Variants in KRT85 observed in about 807,000 individuals in gnomAD.
KRT85 encodes keratin 85.
A neutral mutation model predicts 53.7 loss-of-function variants in KRT85; 39 were observed. The observed-to-expected ratio is 0.73, with a 90% confidence interval of 0.56 to 0.95. KRT85 has a LOEUF of 0.95. Among genes scored for constraint, KRT85 ranks in the 40% least tolerant of loss-of-function variants. The pLI, the probability that KRT85 is intolerant of heterozygous loss-of-function variation, is 0.00. For synonymous variants in KRT85, 291 were observed against 277.5 expected, an observed-to-expected ratio of 1.05 and a Z score of -0.48; for missense variants, 668 against 686.0, an observed-to-expected ratio of 0.97 and a Z score of 0.29.
At position 52,363,412 on chromosome 12, in the gene KRT85, T is replaced by C; in HGVS notation, c.787-2A>G. On this transcript the variant is annotated splice_acceptor_variant, in intron 4 of 8. Coordinates refer to ENST00000257901, the MANE Select transcript of KRT85 (RefSeq NM_002283.4). LOFTEE classifies it high-confidence loss of function. ...GTGGGCTTGGAGAACGCGGATCTCCTGTGGGGCCAACAGCCAGTGCATTTG... is the reference window on the plus strand; with the variant it reads ...GTGGGCTTGGAGAACGCGGATCTCCCGTGGGGCCAACAGCCAGTGCATTTG... 6.2e-7 allele frequency: 1 copy of C among 1,614,154 alleles called. No homozygotes were observed. The highest frequency in any genetic ancestry group is 8.5e-7 in the Non-Finnish European group (1 of 1,180,026).
intron 7 of KRT85, among the ~76,000 whole-genome samples, 165 bp downstream of exon 7, chr12:52,362,082 CACTT>C (rs1939198508): frequency 6.6e-6 from 1 of 152,172 alleles, no homozygotes; most frequent in African/African-American, 2.4e-5. Context: ...ATAAAATAAA[CACTT>C]AGCACAGGTC....
At chr12:52,366,690 TACACACC>T (rs1207762856) in intron 1 of KRT85, among the ~76,000 whole-genome samples, 1 of 151,552 alleles carries the variant, frequency 6.6e-6, no homozygotes, top group African/African-American at 2.4e-5. Context: ...CACACACATA[TACACACC>T]ACACACTAAC....
At chr12:52,363,024 C>T (rs774630090) in intron 5 of KRT85, 45 bp from the exon 6 acceptor site, 5 of 1,614,046 alleles carry the variant, frequency 3.1e-6, no homozygotes, top group Admixed American at 1.7e-5. Flanking sequence ...TGGGGCCCCC[C>T]ATCCATTCAG....
rs1209188925 is a variant in KRT85, at chr12:52,367,249, T to A, written c.157A>T (p.Ser53Cys). The A allele has an allele frequency of 1.2e-6, 2 of 1,612,106 alleles. No individual in the cohort carries two copies. The highest frequency in any genetic ancestry group is 1.7e-6 in the Non-Finnish European group (2 of 1,178,760). The change falls in exon 1 of 9, where the codon AGC (serine) becomes TGC (cysteine). Residue 53 changes from serine to cysteine, a missense_variant. By Grantham distance (112) the Ser-to-Cys change is moderately radical. This residue lies in a region of KRT85 where 158 missense variants were observed against 141.8 expected (regional missense o/e 1.11). Transcript: ENST00000257901. ...SCYRGLTGFG[S>C]RSLCNLGSCG... ...GAGCCCAGGTTGCAGAGGCTGCGGC[T>A]GCCGAAGCCCGTCAGCCCTCGGTAG...
chr12:52,361,622 T>C, intron 7 of KRT85, 124 bp from the exon 8 acceptor site: 1 of 841,402 alleles, frequency 1.2e-6, no homozygotes, highest in African/African-American at 1.7e-5. Flanking sequence ...CAAGAAGGGC[T>C]CCCTCAAATC....
chr12:52,360,878 C>G lies in KRT85; in HGVS notation c.1499G>C (p.Ser500Thr). ...QPRSSSFSCG[S>T]SRSVRFA ...CTAGGCAAAGCGGACCGACCGGCTA[C>G]TCCCGCAGCTGAAGCTGGAGGAACG... Residue 500 changes from serine to threonine, a missense_variant, in exon 9 of 9, where the codon AGT becomes ACT. Ser to Thr is a moderately conservative substitution (Grantham distance 58). Around this residue, in one of 3 missense-constraint regions of KRT85, gnomAD observed 488 missense variants for 498.1 expected, o/e 0.98. Coordinates refer to ENST00000257901, the MANE Select transcript of KRT85 (RefSeq NM_002283.4). 6.2e-7 allele frequency: 1 copy of G among 1,611,314 alleles called. No individual in the cohort carries two copies. Among genetic ancestry groups the G allele is most frequent in the Non-Finnish European group, 8.5e-7 (1 of 1,179,880 alleles).
chr12:52,364,244 G>A (rs899227732), intron 3 of KRT85, 62 bp downstream of exon 3: 1 of 1,610,608 alleles, frequency 6.2e-7, no homozygotes, highest in Non-Finnish European at 8.5e-7. Context: ...TGGTGACCCT[G>A]CCCCTCGCTG....
chr12:52,362,104 G>T, intron 7 of KRT85, 147 bp downstream of exon 7: 1 of 1,043,638 alleles, frequency 9.6e-7, no homozygotes, highest in African/African-American at 1.6e-5. Context: ...GTCTAGCACA[G>T]AAGCATTCAG....
chr12:52,367,210 T>C lies in KRT85; in HGVS notation c.196A>G (p.Ile66Val). The change falls in exon 1 of 9, where the codon ATA becomes GTA. Residue 66 changes from isoleucine (I) to valine (V), a missense_variant. Ile to Val is a conservative substitution (Grantham distance 29, BLOSUM62 3). Coordinates refer to ENST00000257901, the MANE Select transcript of KRT85 (RefSeq NM_002283.4). ...CCGGCTCGGAAGCCACCTACAGCTATCCGGGGCCCGCAGGAGCCCAGGTTG... is the reference window on the plus strand; with the variant it reads ...CCGGCTCGGAAGCCACCTACAGCTACCCGGGGCCCGCAGGAGCCCAGGTTG... ...LCNLGSCGPR[I>V]AVGGFRAGSC... 6.2e-7 allele frequency: 1 copy of C among 1,613,628 alleles called. No individual in the cohort carries two copies. Among genetic ancestry groups the C allele is most frequent in the Non-Finnish European group, 8.5e-7 (1 of 1,179,766 alleles).
chr12:52,361,032 G>C lies in KRT85; in HGVS notation c.1345C>G (p.Arg449Gly). 3 of 1,612,532 alleles carry C rather than the reference G, an allele frequency of 1.9e-6. No homozygotes were observed. The highest frequency in any genetic ancestry group is 2.5e-6 in the Non-Finnish European group (3 of 1,179,280). ...AGGCCCCCACAGGAGACTCCACCACGGGAGCTGCTGACACCTGTGGAGAGA... is the reference window on the plus strand; with the variant it reads ...AGGCCCCCACAGGAGACTCCACCACCGGAGCTGCTGACACCTGTGGAGAGA... ...GSVNVCVSSS[R>G]GGVSCGGLSY... is the part of the protein sequence containing the mutation. The change falls in exon 9 of 9, where the codon CGT becomes GGT. Residue 449 changes from arginine to glycine, a missense_variant. Arg to Gly is a moderately radical substitution (Grantham distance 125, BLOSUM62 -2). Coordinates refer to ENST00000257901, the MANE Select transcript of KRT85 (RefSeq NM_002283.4).
chr12:52,361,876 C>T (rs2076521471), intron 7 of KRT85, among the ~76,000 whole-genome samples: 1 of 152,024 alleles, frequency 6.6e-6, no homozygotes, highest in Non-Finnish European at 1.5e-5. Context: ...ACACACAGGC[C>T]TGTGTGGCAG....
Position 52,362,878 on chromosome 12 carries a change from G to C in KRT85, c.1053C>G (p.Ala351=). 1 of 1,614,100 alleles carries C rather than the reference G, an allele frequency of 6.2e-7. No individual in the cohort carries two copies. Among genetic ancestry groups the C allele is most frequent in the South Asian group, 1.1e-5 (1 of 91,062 alleles). Reference sequence around the variant, plus strand: ...CCTGGCACTTGGCATTCTCAATCTCGGCCGTCAGCCTCTGGATCATGCGGT... The same window carrying C: ...CCTGGCACTTGGCATTCTCAATCTCCGCCGTCAGCCTCTGGATCATGCGGT... ...ELNRMIQRLT[A]EIENAKCQRA... The change falls in exon 6 of 9, where the codon GCC becomes GCG. Residue 351 remains alanine (A), a synonymous_variant. Transcript: ENST00000257901.
At chr12:52,363,906 T>C (rs1308693978) in intron 4 of KRT85, among the ~76,000 whole-genome samples, 162 bp downstream of exon 4, 1 of 152,244 alleles carries the variant, frequency 6.6e-6, no homozygotes, top group Non-Finnish European at 1.5e-5. Context: ...AACGTGGACA[T>C]GGCCTCTGTA....
intron 5 of KRT85, 60 bp from the exon 6 acceptor site, chr12:52,363,039 C>G: frequency 6.2e-7 from 1 of 1,613,096 alleles, no homozygotes; most frequent in Non-Finnish European, 8.5e-7. Flanking sequence ...ATTCAGGACA[C>G]CACAGATGAC....
chr12:52,364,579 G>A (rs181885608), intron 2 of KRT85: 1 of 1,449,696 alleles, frequency 6.9e-7, no homozygotes, highest in South Asian at 1.5e-5. Context: ...TCTGAGATGG[G>A]GTTAGGAATG....
chr12:52,363,346 C>T lies in KRT85; in HGVS notation c.851G>A (p.Arg284Gln), dbSNP rs778330987. 3.2e-5 allele frequency: 52 copies of T among 1,614,050 alleles called. No individual in the cohort carries two copies. The highest frequency in any genetic ancestry group is 6.7e-5 in the African/African-American group (5 of 74,916). The change falls in exon 5 of 9, where the codon CGA becomes CAA. Residue 284 changes from arginine to glutamine, a missense_variant. By Grantham distance (43) the Arg-to-Gln change is conservative. Transcript: ENST00000257901. ...TSVIVKMDNS[R>Q]DLNMDCIIAE... The stretch of plus-strand genomic sequence containing the variant: ...GATGATGCAGTCCATGTTCAGGTCT[C>T]GGCTGTTGTCCATCTTGACTATGAC...
intron 1 of KRT85, 23 bp from the exon 2 acceptor site, chr12:52,365,193 A>G: frequency 6.2e-7 from 1 of 1,613,758 alleles, no homozygotes; most frequent in Non-Finnish European, 8.5e-7. Flanking sequence ...TGGAAAGAAG[A>G]AGTCAGAGGG....
At chr12:52,364,264 C>T (rs1421226693) in intron 3 of KRT85, 42 bp downstream of exon 3, 18 of 1,613,800 alleles carry the variant, frequency 1.1e-5, no homozygotes, top group Non-Finnish European at 1.5e-5. Flanking sequence ...GGAGTTTGCA[C>T]TGATGGGCCC....
Position 52,364,996 on chromosome 12 carries a change from G to T in KRT85, c.595C>A (p.His199Asn). The T allele has an allele frequency of 6.2e-7, 1 of 1,612,982 alleles. No homozygotes were observed. The highest frequency in any genetic ancestry group is 8.5e-7 in the Non-Finnish European group (1 of 1,179,996). ...TAGCCCTCCAGCACCTCCTGCACAT[G>T]GTTGAGCTCTGAGGCCAGCCTCCCG... Reference protein sequence around the residue: ...DSGRLASELNHVQEVLEGYKK... With the variant: ...DSGRLASELNNVQEVLEGYKK... Residue 199 changes from histidine to asparagine, a missense_variant, in exon 2 of 9, where the codon CAT (histidine) becomes AAT (asparagine). Physicochemically the swap from His to Asn is moderately conservative, Grantham distance 68. Around this residue, in one of 3 missense-constraint regions of KRT85, gnomAD observed 488 missense variants for 498.1 expected, o/e 0.98. Coordinates refer to ENST00000257901, the MANE Select transcript of KRT85 (RefSeq NM_002283.4).
Sources: gnomAD v4.1 joint callset for allele counts (sites outside exome capture counted in the v4.1 genomes callset) on GRCh38, gnomAD v4.1.1 for gene constraint, gnomAD v4.1.1 regional missense constraint, MANE v1.5 for transcripts, NCBI Gene and HGNC (gene_info 2026-07-23, HGNC 2026-07-21) for gene names.